Variants in ROBO1 observed in about 807,000 individuals in gnomAD.
ROBO1 encodes the protein roundabout homolog 1.
In ROBO1, 149 loss-of-function variants were observed where a neutral mutation model predicts 195.9. The observed-to-expected ratio is 0.76, with a 90% confidence interval of 0.67 to 0.87. The LOEUF (loss-of-function observed/expected upper bound fraction) is 0.87, where lower values mean the gene tolerates loss of function less well. Ranked by LOEUF, ROBO1 falls within the 40% of genes least tolerant of loss-of-function variation. ROBO1 has a pLI of 0.00. For synonymous variants in ROBO1, 816 were observed against 733.2 expected, an observed-to-expected ratio of 1.11 and a Z score of -1.82; for missense variants, 1,933 against 2,068.3, an observed-to-expected ratio of 0.93 and a Z score of 1.27.
intron 2 of ROBO1, among the ~76,000 whole-genome samples, chr3:79,445,594 G>C (rs1243691428): frequency 6.7e-6 from 1 of 150,290 alleles, no homozygotes; most frequent in African/African-American, 2.4e-5. Context: ...CAAATTCCTG[G>C]GCTCAAGCAA....
intron 10 of ROBO1, 127 bp downstream of exon 10, chr3:78,685,619 C>A: frequency 1.1e-5 from 6 of 556,840 alleles, no homozygotes; most frequent in South Asian, 3.5e-5. Flanking sequence ...CTATCAACAC[C>A]CTTTTAGGTT....
intron 1 of ROBO1, among the ~76,000 whole-genome samples, chr3:79,730,452 C>T (rs1308148324): frequency 2.0e-5 from 3 of 152,088 alleles, no homozygotes; most frequent in African/African-American, 4.8e-5. Context: ...TACTCATAAA[C>T]ACATATTTTA....
At chr3:79,509,494 A>T (rs770040891) in intron 2 of ROBO1, among the ~76,000 whole-genome samples, 17 of 152,184 alleles carry the variant, frequency 1.1e-4, no homozygotes, top group Non-Finnish European at 2.4e-4. Context: ...CTGCATTGTC[A>T]CATTCTATAA....
intron 8 of ROBO1, among the ~76,000 whole-genome samples, chr3:78,698,868 T>C (rs1165978672): frequency 6.6e-6 from 1 of 152,202 alleles, no homozygotes; most frequent in East Asian, 1.9e-4. Context: ...TTTCTAAAAA[T>C]ATTGTCACTT....
chr3:78,747,829 T>C (rs1032438007), intron 4 of ROBO1, among the ~76,000 whole-genome samples: 5 of 152,182 alleles, frequency 3.3e-5, no homozygotes, highest in African/African-American at 1.2e-4. Context: ...ACAGTAAAAT[T>C]GTCCCCAGTA....
At chr3:78,618,982 G>T (rs766657577) in intron 26 of ROBO1, among the ~76,000 whole-genome samples, 1 of 152,114 alleles carries the variant, frequency 6.6e-6, no homozygotes, top group Non-Finnish European at 1.5e-5. Context: ...AGCAAGATTC[G>T]TGGAAGGAAG....
At chr3:78,797,014 T>C (rs957293737) in intron 4 of ROBO1, among the ~76,000 whole-genome samples, 7 of 152,342 alleles carry the variant, frequency 4.6e-5, no homozygotes, top group South Asian at 2.1e-4. Flanking sequence ...TCACCTCATG[T>C]ATTTCTTTTG....
At chr3:79,663,856 C>A (rs558825588) in intron 1 of ROBO1, among the ~76,000 whole-genome samples, 1 of 152,008 alleles carries the variant, frequency 6.6e-6, no homozygotes, top group Non-Finnish European at 1.5e-5. Flanking sequence ...TATTTTCCAG[C>A]ATCTTCCTCT....
intron 3 of ROBO1, among the ~76,000 whole-genome samples, chr3:79,041,622 T>C (rs141061275): frequency 0.015 from 2,213 of 152,340 alleles, 29 homozygotes; most frequent in Non-Finnish European, 0.02. Flanking sequence ...GTAATTAAGC[T>C]AGCATAGTTT....
At chr3:79,194,689 G>C (rs992977043) in intron 2 of ROBO1, among the ~76,000 whole-genome samples, 5 of 151,606 alleles carry the variant, frequency 3.3e-5, no homozygotes, top group Non-Finnish European at 5.9e-5. Flanking sequence ...ATATCCTTCT[G>C]TCTTTATGAC....
At chr3:79,584,642 TTC>T (rs1560015440) in intron 2 of ROBO1, among the ~76,000 whole-genome samples, 2 of 137,688 alleles carry the variant, frequency 1.5e-5, no homozygotes, top group African/African-American at 3.1e-5. Flanking sequence ...TGTGTGTATG[TTC>T]ATACACACAC....
At chr3:79,762,068 G>T (rs1236167260) in intron 1 of ROBO1, among the ~76,000 whole-genome samples, 1 of 152,174 alleles carries the variant, frequency 6.6e-6, no homozygotes, top group Non-Finnish European at 1.5e-5. Flanking sequence ...TTTAGAGTCT[G>T]TCTTAGTATC....
chr3:78,952,560 G>C (rs1232757492), intron 3 of ROBO1, among the ~76,000 whole-genome samples: 2 of 151,724 alleles, frequency 1.3e-5, no homozygotes, highest in Non-Finnish European at 2.9e-5. Context: ...GAAGACATTT[G>C]TTAAAAAATA....
intron 8 of ROBO1, among the ~76,000 whole-genome samples, chr3:78,711,757 G>C (rs1379151401): frequency 1.3e-5 from 2 of 151,084 alleles, no homozygotes; most frequent in Non-Finnish European, 2.9e-5. Context: ...CCATAGTGCT[G>C]GGATTACAGG....
At chr3:79,093,840 A>G (rs1576665410) in intron 3 of ROBO1, among the ~76,000 whole-genome samples, 1 of 152,222 alleles carries the variant, frequency 6.6e-6, no homozygotes, top group East Asian at 1.9e-4. Flanking sequence ...AGATTTAAGA[A>G]GTGGACAGAA....
intron 2 of ROBO1, among the ~76,000 whole-genome samples, chr3:79,202,694 T>G (rs2081790972): frequency 6.6e-6 from 1 of 152,032 alleles, no homozygotes; most frequent in Admixed American, 6.6e-5. Flanking sequence ...GCTTTCAAGC[T>G]TTCATTTCAA....
chr3:78,968,244 T>A (rs528617152), intron 3 of ROBO1, among the ~76,000 whole-genome samples: 1 of 151,344 alleles, frequency 6.6e-6, no homozygotes, highest in African/African-American at 2.4e-5. Context: ...ATGGAAAACA[T>A]GTCACTTTAT....
intron 2 of ROBO1, among the ~76,000 whole-genome samples, chr3:79,389,321 C>A (rs1210599449): frequency 2.0e-5 from 3 of 151,984 alleles, no homozygotes; most frequent in African/African-American, 7.2e-5. Context: ...CTTCTATAGA[C>A]AAAAAGAAGT....
At chr3:78,616,793 C>G (rs986957847) in intron 27 of ROBO1, among the ~76,000 whole-genome samples, 1 of 152,080 alleles carries the variant, frequency 6.6e-6, no homozygotes, top group Non-Finnish European at 1.5e-5. Flanking sequence ...ATTAATTCTA[C>G]AGAAATGAAA....
Sources: gnomAD v4.1 joint callset for allele counts (sites outside exome capture counted in the v4.1 genomes callset) on GRCh38, gnomAD v4.1.1 for gene constraint, MANE v1.5 for transcripts, NCBI Gene and HGNC (gene_info 2026-07-23, HGNC 2026-07-21) for gene names.